C4BPA: variants seen among roughly 807,000 people sequenced by gnomAD.
The protein encoded by C4BPA is complement component 4 binding protein alpha.
A neutral mutation model predicts 63.7 loss-of-function variants in C4BPA; 31 were observed. The ratio of observed to expected loss-of-function variants is 0.49; its 90% confidence interval spans 0.37 to 0.66. The LOEUF is 0.66. Among genes scored for constraint, C4BPA ranks in the 30% least tolerant of loss-of-function variants. C4BPA has a pLI of 0.00. For missense variants in C4BPA, 572 were observed against 723.3 expected, an observed-to-expected ratio of 0.79 and a Z score of 2.40; for synonymous variants, 259 against 254.7, an observed-to-expected ratio of 1.02 and a Z score of -0.16.
At chr1:207,130,914 T>C (rs928939894) in intron 7 of C4BPA, among the ~76,000 whole-genome samples, 2 of 152,222 alleles carry the variant, frequency 1.3e-5, no homozygotes, top group Non-Finnish European at 2.9e-5. Context: ...CTAAAAACCA[T>C]TGAATTGCAC....
At chr1:207,124,845 A>C (rs965510685) in intron 6 of C4BPA, among the ~76,000 whole-genome samples, 8 of 152,358 alleles carry the variant, frequency 5.3e-5, no homozygotes, top group African/African-American at 1.7e-4. Flanking sequence ...GCAACCACAT[A>C]TCACTTTCCA....
chr1:207,135,486 A>C (rs781619963), intron 9 of C4BPA, among the ~76,000 whole-genome samples: 1 of 152,162 alleles, frequency 6.6e-6, no homozygotes, highest in African/African-American at 2.4e-5. Flanking sequence ...TCAATAGGAA[A>C]ATTCCTATCT....
chr1:207,127,008 CA>C, intron 7 of C4BPA, 113 bp downstream of exon 7: 1 of 705,368 alleles, frequency 1.4e-6, no homozygotes, highest in Non-Finnish European at 2.4e-6. Context: ...TAAAAATTTA[CA>C]TCTAGATCAA....
intron 1 of C4BPA, among the ~76,000 whole-genome samples, chr1:207,111,252 T>C (rs948240475): frequency 1.3e-5 from 2 of 152,202 alleles, no homozygotes; most frequent in Admixed American, 1.3e-4. Context: ...AGGGGAAGTA[T>C]GAAGTCCCAG....
intron 10 of C4BPA, among the ~76,000 whole-genome samples, chr1:207,143,484 T>TA (rs1415127657): frequency 6.6e-6 from 1 of 152,036 alleles, no homozygotes; most frequent in Non-Finnish European, 1.5e-5. Context: ...TAAAGTATAA[T>TA]AAAAAAAGAA....
intron 7 of C4BPA, among the ~76,000 whole-genome samples, chr1:207,128,592 C>G (rs1447033679): frequency 6.6e-6 from 1 of 152,142 alleles, no homozygotes; most frequent in Non-Finnish European, 1.5e-5. Flanking sequence ...AGAGGTAGAC[C>G]ACCCAAAGTC....
intron 1 of C4BPA, among the ~76,000 whole-genome samples, chr1:207,107,429 G>A (rs536434351): frequency 6.6e-6 from 1 of 152,258 alleles, no homozygotes; most frequent in Non-Finnish European, 1.5e-5. Context: ...CGCTCCTGTG[G>A]TCCCAGCTAC....
At chr1:207,121,832 A>C (rs4261119) in intron 4 of C4BPA, among the ~76,000 whole-genome samples, 88,298 of 151,310 alleles carry the variant, frequency 0.58, 27,051 homozygotes, top group East Asian at 0.73. Flanking sequence ...TTGTATTCTT[A>C]CCCCTCCTTC....
intron 1 of C4BPA, among the ~76,000 whole-genome samples, chr1:207,110,537 C>T (rs780507002): frequency 6.6e-6 from 1 of 152,178 alleles, no homozygotes; most frequent in Non-Finnish European, 1.5e-5. Flanking sequence ...TGCCTGTAAT[C>T]CCAGCACTTT....
At chr1:207,127,996 C>G (rs1685081967) in intron 7 of C4BPA, among the ~76,000 whole-genome samples, 1 of 152,138 alleles carries the variant, frequency 6.6e-6, no homozygotes, top group Non-Finnish European at 1.5e-5. Context: ...TCGGTGCCAG[C>G]AAACATGCAT....
At position 207,136,908 on chromosome 1, in the gene C4BPA, A is replaced by G. The variant is rs549272297; in HGVS notation, c.1273+2316A>G. Among the ~76,000 whole-genome samples the G allele has an allele frequency of 6.0e-4, 91 of 152,308 alleles. 1 individual carries two copies. The highest frequency in any genetic ancestry group is 6.2e-4 in the South Asian group (3 of 4,830). On this transcript the variant is annotated intron_variant, in intron 9 of 11. Transcript: ENST00000367070. ...ATTAGGGGCTGCAGTGGACCTGAAT[A>G]CTAAACTTCCCAAAGTAGTTTTTAT...
chr1:207,132,603 C>T (rs1030966129), intron 8 of C4BPA, among the ~76,000 whole-genome samples: 1 of 152,096 alleles, frequency 6.6e-6, no homozygotes, highest in African/African-American at 2.4e-5. Context: ...TATTCAGACT[C>T]ATTTTGGGGA....
chr1:207,111,982 A>G (rs1684675901), intron 1 of C4BPA, among the ~76,000 whole-genome samples: 1 of 152,188 alleles, frequency 6.6e-6, no homozygotes, highest in Non-Finnish European at 1.5e-5. Flanking sequence ...AAAACTAAAA[A>G]TAGAACTCCC....
At position 207,141,143 on chromosome 1, in the gene C4BPA, T is replaced by C; in HGVS notation, c.1311T>C (p.Tyr437=). ...NFPPKIAHGH[Y]KQSSSYSFFK... ...CTCCTAAAATTGCCCATGGGCATTA[T>C]AAACAATCTAGTTCATACAGCTTTT... The change falls in exon 10 of 12, where the codon TAT becomes TAC. Residue 437 remains tyrosine (Y), a synonymous_variant. Transcript: ENST00000367070. 3 of 1,612,890 alleles carry C rather than the reference T, an allele frequency of 1.9e-6. No individual in the cohort carries two copies. The highest frequency in any genetic ancestry group is 2.5e-6 in the Non-Finnish European group (3 of 1,179,538).
At chr1:207,111,876 T>G (rs1452977104) in intron 1 of C4BPA, among the ~76,000 whole-genome samples, 1 of 152,172 alleles carries the variant, frequency 6.6e-6, no homozygotes, top group African/African-American at 2.4e-5. Flanking sequence ...TTTATGGGAG[T>G]GAATTTGGTT....
chr1:207,113,054 C>T lies in C4BPA; in HGVS notation c.29C>T (p.Ala10Val). The change falls in exon 2 of 12, where the codon GCT becomes GTT. Residue 10 changes from alanine to valine, a missense_variant. Around this residue, in one of 2 missense-constraint regions of C4BPA, gnomAD observed 107 missense variants for 93.9 expected, o/e 1.14. Coordinates refer to ENST00000367070, the MANE Select transcript of C4BPA (RefSeq NM_000715.4). ...CACCCCCCAAAAACTCCATCTGGGG[C>T]TCTTCATAGAAAAAGGAAAATGGCA... MHPPKTPSG[A>V]LHRKRKMAAW... The T allele has an allele frequency of 2.5e-6, 4 of 1,608,504 alleles. No homozygotes were observed. The highest frequency in any genetic ancestry group is 3.4e-6 in the Non-Finnish European group (4 of 1,178,090).
Position 207,134,476 on chromosome 1 carries a change from A to G in C4BPA, c.1157A>G (p.His386Arg). The G allele has an allele frequency of 1.9e-6, 3 of 1,613,618 alleles. No homozygotes were observed. Among genetic ancestry groups the G allele is most frequent in the Middle Eastern group, 1.7e-4 (1 of 6,060 alleles). The change falls in exon 9 of 12, where the codon CAC (histidine) becomes CGC (arginine). Residue 386 changes from histidine to arginine, a missense_variant. Physicochemically the swap from His to Arg is conservative, Grantham distance 29. Around this residue, in one of 2 missense-constraint regions of C4BPA, gnomAD observed 465 missense variants for 629.4 expected, o/e 0.74. Transcript: ENST00000367070. ...CACAGGAAAAGTCGTCCTGCCAATC[A>G]CTGTGTTTATTTCTATGGAGATGAG... is the stretch of plus-strand genomic sequence containing the variant. ...TQHRKSRPAN[H>R]CVYFYGDEIS...
chr1:207,143,275 A>T (rs1572802862), intron 10 of C4BPA, among the ~76,000 whole-genome samples: 1 of 150,658 alleles, frequency 6.6e-6, no homozygotes, highest in East Asian at 2.0e-4. Flanking sequence ...CATAGGTGGG[A>T]GCTGAAAAAT....
chr1:207,141,079 C>G (rs1299893967), intron 9 of C4BPA, 27 bp from the exon 10 acceptor site: 2 of 1,585,046 alleles, frequency 1.3e-6, no homozygotes, highest in East Asian at 2.2e-5. Flanking sequence ...AACTAATGCT[C>G]TCTCACTTTT....
Sources: allele counts gnomAD v4.1 joint callset (sites outside exome capture counted in the v4.1 genomes callset), GRCh38; gene constraint gnomAD v4.1.1; regional missense constraint gnomAD v4.1.1; transcripts MANE v1.5; gene names NCBI Gene and HGNC (gene_info 2026-07-23, HGNC 2026-07-21).